The following LRP1B variants were observed in gnomAD, a reference collection of about 807,000 sequenced individuals.
The protein encoded by LRP1B is low-density lipoprotein receptor-related protein 1B.
Under a neutral mutation model 556.6 loss-of-function variants are expected in LRP1B, and 217 were observed. The ratio of observed to expected loss-of-function variants is 0.39; its 90% CI spans 0.35 to 0.44. The LOEUF (loss-of-function observed/expected upper bound fraction) is 0.44. Among genes scored for constraint, LRP1B ranks in the 20% least tolerant of loss-of-function variants. The probability of loss-of-function intolerance (pLI) is 1.00; values close to 1 mark genes in which losing one functional copy is unlikely to be tolerated. For synonymous variants in LRP1B, 2,047 were observed against 1,865.8 expected, an observed-to-expected ratio of 1.10 and a Z score of -2.50; for missense variants, 5,053 against 5,620.8, an observed-to-expected ratio of 0.90 and a Z score of 3.23.
rs115432654 is a variant in LRP1B, at chr2:140,684,507, C to T, written c.6799+15743G>A. Among the ~76,000 whole-genome samples the T allele has an allele frequency of 5.4e-4, 83 of 152,296 alleles. 1 individual carries two copies. In the Middle Eastern group the frequency reaches 0.014, roughly 25 times the overall value. On this transcript the variant is annotated intron_variant, in intron 41 of 90. Coordinates refer to ENST00000389484, the MANE Select transcript of LRP1B (RefSeq NM_018557.3). ...CCTGCCTTGCCAGTTCATCTTACAA[C>T]GTCTAGCCCATCCGAATCCCAGTTT...
chr2:141,176,637 A>C (rs1164445286), intron 7 of LRP1B, among the ~76,000 whole-genome samples: 1 of 152,088 alleles, frequency 6.6e-6, no homozygotes, highest in African/African-American at 2.4e-5. Context: ...TAGTGTGAGA[A>C]CAGATTAATA....
chr2:141,454,814 G>A (rs1170583366), intron 3 of LRP1B, among the ~76,000 whole-genome samples: 1 of 152,244 alleles, frequency 6.6e-6, no homozygotes, highest in East Asian at 1.9e-4. Flanking sequence ...GTGCTACTCT[G>A]AGAAATATAC....
chr2:141,335,093 A>G (rs986085025), intron 3 of LRP1B, among the ~76,000 whole-genome samples: 10 of 152,232 alleles, frequency 6.6e-5, no homozygotes, highest in Non-Finnish European at 1.2e-4. Context: ...TTTACTTTGT[A>G]TCCTTTTTAA....
chr2:140,314,906 G>A, intron 83 of LRP1B, 29 bp downstream of exon 83: 1 of 1,523,968 alleles, frequency 6.6e-7, no homozygotes, highest in Middle Eastern at 1.7e-4. Context: ...TGAAAAAGAT[G>A]TGAAATACAA....
intron 20 of LRP1B, among the ~76,000 whole-genome samples, chr2:140,941,149 A>G (rs994665192): frequency 6.6e-6 from 1 of 152,180 alleles, no homozygotes; most frequent in Non-Finnish European, 1.5e-5. Flanking sequence ...GCGGGTATAA[A>G]TTAATCTAGG....
chr2:140,861,982 C>A (rs1017155015), intron 27 of LRP1B, among the ~76,000 whole-genome samples: 38 of 152,270 alleles, frequency 2.5e-4, no homozygotes, highest in African/African-American at 8.4e-4. Flanking sequence ...TTTAGTGTTG[C>A]AGTTTCCAAG....
intron 15 of LRP1B, among the ~76,000 whole-genome samples, chr2:141,004,126 T>G (rs1205811344): frequency 6.6e-5 from 10 of 152,092 alleles, no homozygotes; most frequent in Admixed American, 4.6e-4. Context: ...CAAGAGACAA[T>G]CATTATAAGT....
chr2:141,241,211 C>T (rs2105316406), intron 5 of LRP1B, among the ~76,000 whole-genome samples: 1 of 152,102 alleles, frequency 6.6e-6, no homozygotes, highest in Admixed American at 6.6e-5. Context: ...AATGATTGGC[C>T]AGAAAAGATG....
At chr2:141,067,529 A>G (rs1295884454) in intron 7 of LRP1B, among the ~76,000 whole-genome samples, 35 of 152,036 alleles carry the variant, frequency 2.3e-4, no homozygotes, top group Admixed American at 2.3e-3. Flanking sequence ...TATTCTGGAA[A>G]CATTCCCACT....
intron 3 of LRP1B, among the ~76,000 whole-genome samples, chr2:141,255,673 A>G (rs980775620): frequency 2.0e-5 from 3 of 151,972 alleles, no homozygotes; most frequent in African/African-American, 7.2e-5. Flanking sequence ...TCTGTCATAT[A>G]TGATGATCCT....
At chr2:140,791,091 T>C (rs975157683) in intron 32 of LRP1B, among the ~76,000 whole-genome samples, 1 of 151,836 alleles carries the variant, frequency 6.6e-6, no homozygotes, top group Non-Finnish European at 1.5e-5. Context: ...CTATCTCTAC[T>C]AAAAATACAA....
intron 2 of LRP1B, among the ~76,000 whole-genome samples, chr2:141,732,322 T>C (rs984726751): frequency 3.3e-5 from 5 of 151,308 alleles, no homozygotes; most frequent in African/African-American, 1.2e-4. Flanking sequence ...ATTCCTAAAA[T>C]ATAATATATC....
At chr2:140,805,175 A>C (rs1343991217) in intron 32 of LRP1B, among the ~76,000 whole-genome samples, 1 of 152,142 alleles carries the variant, frequency 6.6e-6, no homozygotes, top group Admixed American at 6.6e-5. Flanking sequence ...ACTGATCCCC[A>C]TAGTAGCCAA....
intron 1 of LRP1B, among the ~76,000 whole-genome samples, chr2:142,070,048 G>A (rs768046109): frequency 4.6e-5 from 7 of 151,676 alleles, no homozygotes; most frequent in Non-Finnish European, 7.4e-5. Flanking sequence ...AGCCTTGTAC[G>A]AGGCTCATAT....
chr2:140,602,212 A>AAG (rs1682701812), intron 41 of LRP1B, among the ~76,000 whole-genome samples: 1 of 151,922 alleles, frequency 6.6e-6, no homozygotes, highest in Non-Finnish European at 1.5e-5. Flanking sequence ...GATAAAAAAA[A>AAG]ACAAAGCAAG....
In LRP1B at chr2:141,721,351, T is replaced by C. The variant is rs1052882424; in HGVS notation, c.205+88928A>G. On this transcript the variant is annotated intron_variant, in intron 2 of 90. Transcript: ENST00000389484. ...GCATTTGAGTACTCTTATTTCTAGATAAACTGTTGTTGCTTGTATTAATTT... is the reference window on the plus strand; with the variant it reads ...GCATTTGAGTACTCTTATTTCTAGACAAACTGTTGTTGCTTGTATTAATTT... Among the ~76,000 whole-genome samples, 5 of 152,300 alleles carry C rather than the reference T, an allele frequency of 3.3e-5. No individual in the cohort carries two copies. In the South Asian group the frequency reaches 8.3e-4, roughly 25 times the overall value.
At chr2:141,116,490 T>G (rs2104983245) in intron 7 of LRP1B, among the ~76,000 whole-genome samples, 1 of 152,288 alleles carries the variant, frequency 6.6e-6, no homozygotes, top group East Asian at 1.9e-4. Context: ...TTAACTTAAA[T>G]TTTAATGAGG....
intron 43 of LRP1B, among the ~76,000 whole-genome samples, chr2:140,579,767 G>A (rs1002727179): frequency 3.3e-5 from 5 of 152,092 alleles, no homozygotes; most frequent in Admixed American, 6.5e-5. Flanking sequence ...GCTTGAAGCC[G>A]GGAGGCGGGG....
At chr2:140,991,798 T>C (rs1046906169) in intron 16 of LRP1B, among the ~76,000 whole-genome samples, 1 of 152,122 alleles carries the variant, frequency 6.6e-6, no homozygotes, top group Non-Finnish European at 1.5e-5. Flanking sequence ...AAACAGTCAG[T>C]GCAGTATTGC....
Sources: allele counts gnomAD v4.1 joint callset (sites outside exome capture counted in the v4.1 genomes callset), GRCh38; gene constraint gnomAD v4.1.1; transcripts MANE v1.5; gene names NCBI Gene and HGNC (gene_info 2026-07-23, HGNC 2026-07-21).